The following P2RY8 variants were observed in gnomAD, a reference collection of about 807,000 sequenced individuals.
The protein encoded by P2RY8 is P2Y receptor family member 8.
Under a neutral mutation model 10.0 loss-of-function variants are expected in P2RY8, and 6 were observed. The ratio of observed to expected loss-of-function variants is 0.60; its 90% CI spans 0.33 to 1.19. The LOEUF is 1.19. Among genes scored for constraint, P2RY8 ranks in the 50% most tolerant of loss-of-function variants. The probability of loss-of-function intolerance (pLI) is 0.04; values close to 1 mark genes in which losing one functional copy is unlikely to be tolerated. For missense variants in P2RY8, 456 were observed against 542.0 expected (o/e 0.84, Z 1.58); for synonymous variants, 276 against 252.5 (o/e 1.09, Z -0.88).
chrX:1,530,699 ATATC>A lies in P2RY8; in HGVS notation c.-25+6218_-25+6221del, dbSNP rs1354314988. ...TCATCTATTTAATCTATGCATCTAT[ATATC>A]TATCTATCTAATCTATTTATCCATG... On this transcript the variant is annotated intron_variant, in intron 1 of 1. Coordinates refer to ENST00000381297, the MANE Select transcript of P2RY8 (RefSeq NM_178129.5). Among the ~76,000 whole-genome samples, 454 of 150,896 alleles carry A rather than the reference ATATC, an allele frequency of 3.0e-3. 2 individuals carry two copies. The highest frequency in any genetic ancestry group is 0.01 in the African/African-American group (428 of 41,400).
At chrX:1,474,303 A>ATG (rs2149379713) in intron 1 of P2RY8, among the ~76,000 whole-genome samples, 1 of 147,912 alleles carries the variant, frequency 6.8e-6, no homozygotes, top group South Asian at 2.2e-4. Context: ...GGGTGGATGG[A>ATG]TAGATGGGTG....
chrX:1,524,569 C>T (rs1162185468), intron 1 of P2RY8, among the ~76,000 whole-genome samples: 3 of 137,152 alleles, frequency 2.2e-5, no homozygotes, highest in African/African-American at 5.3e-5. Flanking sequence ...ATCCATCCAT[C>T]CATCCATCCA....
intron 1 of P2RY8, among the ~76,000 whole-genome samples, chrX:1,495,485 G>A (rs1194479346): frequency 1.3e-5 from 2 of 150,776 alleles, no homozygotes; most frequent in East Asian, 1.9e-4. Context: ...GGGAGAAGAC[G>A]GCATCTCCAA....
chrX:1,513,941 T>C (rs143003853), intron 1 of P2RY8, among the ~76,000 whole-genome samples: 34 of 152,324 alleles, frequency 2.2e-4, no homozygotes, highest in African/African-American at 7.9e-4. Context: ...TCCAGGATGA[T>C]CTCATCCCAA....
rs2092533323 is a variant in P2RY8 at position 1,537,122 on chromosome X, A to G, written c.-226T>C. On this transcript the variant is annotated 5_prime_UTR_variant, in exon 1 of 2. Transcript: ENST00000381297. Reference sequence around the variant, plus strand: ...GCTGCCCTTCCAGTTCCATCTGTCCAGCAACCTTGCAAAGGCGGCCGCTTC... The same window carrying G: ...GCTGCCCTTCCAGTTCCATCTGTCCGGCAACCTTGCAAAGGCGGCCGCTTC... The G allele has an allele frequency of 4.3e-6, 1 of 232,606 alleles. No homozygotes were observed. The highest frequency in any genetic ancestry group is 5.6e-5 in the Admixed American group (1 of 17,736). The allele number at this position is 232,606 out of a possible 1,614,324, so 14.4% of individuals were successfully genotyped here.
intron 1 of P2RY8, among the ~76,000 whole-genome samples, chrX:1,493,155 G>A (rs1443300379): frequency 1.3e-5 from 2 of 150,458 alleles, no homozygotes; most frequent in East Asian, 1.9e-4. Flanking sequence ...GGGCGTTGGG[G>A]TGGGCGCCTG....
intron 1 of P2RY8, among the ~76,000 whole-genome samples, chrX:1,483,006 A>C (rs2091953150): frequency 1.3e-5 from 2 of 152,094 alleles, no homozygotes; most frequent in African/African-American, 2.4e-5. Context: ...TGACGAGTTA[A>C]TGGGTGCAGC....
At chrX:1,486,644 C>T (rs1273851596) in intron 1 of P2RY8, among the ~76,000 whole-genome samples, 5 of 152,172 alleles carry the variant, frequency 3.3e-5, no homozygotes, top group Admixed American at 6.5e-5. Context: ...TAGACAGAGG[C>T]GGCTGTTGCC....
intron 1 of P2RY8, among the ~76,000 whole-genome samples, chrX:1,499,431 C>G (rs2092153458): frequency 1.3e-5 from 2 of 152,054 alleles, no homozygotes; most frequent in South Asian, 4.1e-4. Context: ...CCCCAAAATG[C>G]TGGGATTACA....
chrX:1,468,058 C>T (rs1311492628), intron 1 of P2RY8, among the ~76,000 whole-genome samples: 2 of 152,100 alleles, frequency 1.3e-5, no homozygotes, highest in East Asian at 1.9e-4. Context: ...TCAAGCAATC[C>T]TCCTGAGTAC....
At chrX:1,525,113 A>G (rs1325867480) in intron 1 of P2RY8, among the ~76,000 whole-genome samples, 1 of 152,184 alleles carries the variant, frequency 6.6e-6, no homozygotes, top group African/African-American at 2.4e-5. Flanking sequence ...GGACCCCCCA[A>G]AATCCCTATT....
intron 1 of P2RY8, among the ~76,000 whole-genome samples, chrX:1,471,672 T>C (rs2091789245): frequency 6.6e-6 from 1 of 151,974 alleles, no homozygotes; most frequent in South Asian, 2.1e-4. Context: ...TGGGAACCCC[T>C]TTCTAAAGGG....
intron 1 of P2RY8, among the ~76,000 whole-genome samples, chrX:1,498,176 G>A (rs749540337): frequency 6.6e-6 from 1 of 152,108 alleles, no homozygotes; most frequent in African/African-American, 2.4e-5. Context: ...GGAGGCCGAG[G>A]CGGGCAGATC....
Position 1,466,503 on chromosome X carries a change from T to C in P2RY8, c.56A>G (p.Asn19Ser), listed in dbSNP as rs755419162. The C allele has an allele frequency of 6.2e-7, 1 of 1,610,880 alleles. No homozygotes were observed. The highest frequency in any genetic ancestry group is 1.1e-5 in the South Asian group (1 of 90,950). Residue 19 changes from asparagine (N) to serine (S), a missense_variant, in exon 2 of 2, where the codon AAC becomes AGC. Physicochemically the swap from Asn to Ser is conservative, Grantham distance 46 (BLOSUM62 1). Coordinates refer to ENST00000381297, the MANE Select transcript of P2RY8 (RefSeq NM_178129.5). ...PDNATLQMLR[N>S]PAIAVALPVV... is the part of the protein sequence containing the mutation. ...GGGCAGGGCCACCGCGATCGCCGGG[T>C]TCCGCAGCATCTGCAGCGTCGCGTT...
intron 1 of P2RY8, among the ~76,000 whole-genome samples, chrX:1,527,392 C>T (rs1330532619): frequency 1.3e-5 from 2 of 151,872 alleles, no homozygotes; most frequent in African/African-American, 4.8e-5. Flanking sequence ...TTCATTTATT[C>T]ATGATCCATT....
intron 1 of P2RY8, among the ~76,000 whole-genome samples, chrX:1,521,735 G>T (rs372107488): frequency 1.3e-5 from 2 of 152,002 alleles, no homozygotes; most frequent in Non-Finnish European, 2.9e-5. Context: ...CCAGTCAGCC[G>T]CACCTCAGCT....
chrX:1,491,282 T>G (rs1488123002), intron 1 of P2RY8, among the ~76,000 whole-genome samples: 1 of 152,116 alleles, frequency 6.6e-6, no homozygotes, highest in Non-Finnish European at 1.5e-5. Context: ...AGAGAATGAA[T>G]GAATGATACC....
chrX:1,484,328 C>A (rs1285282907), intron 1 of P2RY8, among the ~76,000 whole-genome samples: 1 of 152,110 alleles, frequency 6.6e-6, no homozygotes, highest in African/African-American at 2.4e-5. Flanking sequence ...AGACTCATTT[C>A]TTTGTTCTCT....
chrX:1,519,950 A>G (rs1232070458), intron 1 of P2RY8, among the ~76,000 whole-genome samples: 17 of 151,374 alleles, frequency 1.1e-4, no homozygotes, highest in Non-Finnish European at 2.1e-4. Flanking sequence ...CTGGTCCCCA[A>G]TAATCTCTCT....
Sources: gnomAD v4.1 joint callset for allele counts (sites outside exome capture counted in the v4.1 genomes callset) on GRCh38, gnomAD v4.1.1 for gene constraint, MANE v1.5 for transcripts, NCBI Gene and HGNC (gene_info 2026-07-23, HGNC 2026-07-21) for gene names.